Variants in UBE3D observed in about 807,000 individuals in gnomAD.
The protein encoded by UBE3D is ubiquitin protein ligase E3D, also known as E3 ubiquitin-protein ligase E3D.
UBE3D carries 48 observed loss-of-function variants against 49.6 expected under a neutral mutation model. That is an observed-to-expected ratio of 0.97 (90% CI 0.77 to 1.23). The LOEUF (loss-of-function observed/expected upper bound fraction) is 1.23. Among genes scored for constraint, UBE3D ranks in the 50% most tolerant of loss-of-function variants. The pLI is 0.00. For synonymous variants in UBE3D, 189 were observed against 174.2 expected (o/e 1.08, Z -0.67); for missense variants, 452 against 468.4 (o/e 0.96, Z 0.32).
downstream of UBE3D, among the ~76,000 whole-genome samples, chr6:82,891,513 G>A (rs1770977573): frequency 6.6e-6 from 1 of 152,184 alleles, no homozygotes; most frequent in African/African-American, 2.4e-5. Context: ...GTGAGTCTTG[G>A]ATGTATCACT....
At chr6:82,968,470 T>C (rs532309803) in intron 8 of UBE3D, among the ~76,000 whole-genome samples, 1 of 152,314 alleles carries the variant, frequency 6.6e-6, no homozygotes, top group Non-Finnish European at 1.5e-5. Context: ...GGTTATCTTT[T>C]CTCCCAGTTT....
At chr6:82,957,824 G>A (rs1307871292) in intron 8 of UBE3D, among the ~76,000 whole-genome samples, 1 of 152,146 alleles carries the variant, frequency 6.6e-6, no homozygotes, top group Non-Finnish European at 1.5e-5. Context: ...AGAAACCTAA[G>A]AGAAGGAACT....
chr6:83,062,428 T>C (rs968402268), intron 1 of UBE3D, among the ~76,000 whole-genome samples: 5 of 152,162 alleles, frequency 3.3e-5, no homozygotes, highest in Non-Finnish European at 5.9e-5. Flanking sequence ...AGGGCATTAA[T>C]CTATTCAAGA....
chr6:82,967,210 G>C (rs951279148), intron 8 of UBE3D, among the ~76,000 whole-genome samples: 10 of 152,294 alleles, frequency 6.6e-5, no homozygotes, highest in African/African-American at 2.2e-4. Flanking sequence ...CAGAGATGCT[G>C]TCTATCCTTC....
At chr6:82,993,856 G>A (rs1476447055) in intron 8 of UBE3D, among the ~76,000 whole-genome samples, 1 of 152,146 alleles carries the variant, frequency 6.6e-6, no homozygotes, top group African/African-American at 2.4e-5. Context: ...TGGACCTAGG[G>A]TTCTCATGAA....
intron 3 of UBE3D, among the ~76,000 whole-genome samples, chr6:83,046,445 A>G (rs575108232): frequency 1.1e-4 from 17 of 152,258 alleles, no homozygotes; most frequent in African/African-American, 3.9e-4. Flanking sequence ...TGGTATCATC[A>G]AAGTGCTGAG....
At chr6:82,942,870 G>A (rs1437594921) in intron 9 of UBE3D, among the ~76,000 whole-genome samples, 1 of 152,206 alleles carries the variant, frequency 6.6e-6, no homozygotes, top group Non-Finnish European at 1.5e-5. Context: ...ACCCACTGGG[G>A]CACTGCCTAG....
intron 9 of UBE3D, among the ~76,000 whole-genome samples, chr6:82,948,777 C>T (rs1407295138): frequency 1.3e-5 from 2 of 151,904 alleles, no homozygotes; most frequent in Non-Finnish European, 2.9e-5. Flanking sequence ...ATAAACATTT[C>T]AATTAATGTT....
chr6:82,902,475 G>A (rs159057), intron 9 of UBE3D, among the ~76,000 whole-genome samples: 9,043 of 152,070 alleles, frequency 0.059, 897 homozygotes, highest in African/African-American at 0.21. Flanking sequence ...CACATGACTC[G>A]GAAGAATCTC....
chr6:82,986,685 T>C (rs1051227653), intron 8 of UBE3D, among the ~76,000 whole-genome samples: 4 of 148,564 alleles, frequency 2.7e-5, no homozygotes, highest in Admixed American at 6.7e-5. Context: ...ATATATCTTT[T>C]ATACATATGC....
At position 82,965,879 on chromosome 6, in the gene UBE3D, C is replaced by T. The variant is rs558144103; in HGVS notation, c.1011-8429G>A. Among the ~76,000 whole-genome samples the T allele has an allele frequency of 3.9e-5, 6 of 152,304 alleles. No individual in the cohort carries two copies. The East Asian group carries it at 1.2e-3, about 29-fold the overall frequency. ...TTGTATCTCCACACGCCCCCAACCC[C>T]TCTGAATTATTTTGGAGGAAATCCC... On this transcript the variant is annotated intron_variant, in intron 8 of 9. Coordinates refer to ENST00000369747, the MANE Select transcript of UBE3D (RefSeq NM_198920.3).
At chr6:82,957,533 T>C (rs1315804663) in intron 8 of UBE3D, 83 bp from the exon 9 acceptor site, 6 of 1,468,254 alleles carry the variant, frequency 4.1e-6, no homozygotes, top group Non-Finnish European at 5.5e-6. Flanking sequence ...GAAAACTCAA[T>C]TGTGAGAGAA....
At chr6:82,965,583 CAAAAA>C (rs35257086) in intron 8 of UBE3D, among the ~76,000 whole-genome samples, 2 of 86,344 alleles carry the variant, frequency 2.3e-5, no homozygotes, top group African/African-American at 4.4e-5. Context: ...AACTCCATCT[CAAAAA>C]AAAAAAAAAA....
chr6:83,032,809 C>T (rs1781975321), intron 5 of UBE3D, among the ~76,000 whole-genome samples: 1 of 152,136 alleles, frequency 6.6e-6, no homozygotes, highest in Non-Finnish European at 1.5e-5. Flanking sequence ...ATAACTCTCA[C>T]AAGACCTGAT....
intron 5 of UBE3D, among the ~76,000 whole-genome samples, chr6:83,028,095 T>G (rs1339740542): frequency 6.6e-6 from 1 of 152,174 alleles, no homozygotes; most frequent in Non-Finnish European, 1.5e-5. Context: ...AGAAATTTTA[T>G]TGTATAAATT....
At chr6:82,952,736 T>C (rs293517) in intron 9 of UBE3D, among the ~76,000 whole-genome samples, 97,954 of 151,996 alleles carry the variant, frequency 0.64, 32,470 homozygotes, top group East Asian at 0.79. Flanking sequence ...ATGCTAAGTA[T>C]AGAAAAATCC....
intron 9 of UBE3D, among the ~76,000 whole-genome samples, chr6:82,925,336 C>A (rs1224078403): frequency 6.6e-6 from 1 of 152,162 alleles, no homozygotes; most frequent in Non-Finnish European, 1.5e-5. Flanking sequence ...TCTGCCTACA[C>A]AGCACTTTTT....
chr6:82,987,219 G>T (rs1445659778), intron 8 of UBE3D, among the ~76,000 whole-genome samples: 9 of 152,004 alleles, frequency 5.9e-5, no homozygotes, highest in Non-Finnish European at 1.3e-4. Context: ...TCACTACGTT[G>T]CCCAGGCTGG....
chr6:82,906,054 C>T (rs191033185), intron 9 of UBE3D, among the ~76,000 whole-genome samples: 11 of 152,148 alleles, frequency 7.2e-5, no homozygotes, highest in Non-Finnish European at 1.6e-4. Context: ...ACCACAATGC[C>T]ATGATCACAT....
Sources: allele counts gnomAD v4.1 joint callset (sites outside exome capture counted in the v4.1 genomes callset), GRCh38; gene constraint gnomAD v4.1.1; transcripts MANE v1.5; gene names NCBI Gene and HGNC (gene_info 2026-07-23, HGNC 2026-07-21).